DPP6: variants seen among roughly 807,000 people sequenced by gnomAD.
The protein encoded by DPP6 is A-type potassium channel modulatory protein DPP6.
A neutral mutation model predicts 122.6 loss-of-function variants in DPP6; 69 were observed. The ratio of observed to expected loss-of-function variants is 0.56; its 90% confidence interval spans 0.46 to 0.69. The LOEUF (loss-of-function observed/expected upper bound fraction) is 0.69. DPP6 is among the 30% of genes least tolerant of loss of function. The probability of loss-of-function intolerance (pLI) is 0.00; values close to 1 mark genes in which losing one functional copy is unlikely to be tolerated. For missense variants in DPP6, 928 were observed against 1,116.9 expected (o/e 0.83, Z 2.41); for synonymous variants, 418 against 433.1 (o/e 0.97, Z 0.43).
chr7:154,645,505 CT>C (rs1257001732), intron 6 of DPP6, among the ~76,000 whole-genome samples: 1 of 152,136 alleles, frequency 6.6e-6, no homozygotes, highest in African/African-American at 2.4e-5. Context: ...GAAATCCAGA[CT>C]TCTAGTAACC....
At chr7:154,732,108 G>A (rs940030553) in intron 8 of DPP6, among the ~76,000 whole-genome samples, 5 of 151,298 alleles carry the variant, frequency 3.3e-5, no homozygotes, top group African/African-American at 9.7e-5. Context: ...GCGCAATCTC[G>A]GCTCACTGCA....
In DPP6 at chr7:154,369,738, A is replaced by G. The variant is rs547569101; in HGVS notation, c.244-76476A>G. On this transcript the variant is annotated intron_variant, in intron 1 of 25. Coordinates refer to ENST00000377770, the MANE Select transcript of DPP6 (RefSeq NM_130797.4). ...TTGCTAACGCTGCCCTTGGCCTGCT[A>G]TTTCCCAGCTGGCCTCTCTGTGCCC... is the stretch of plus-strand genomic sequence containing the variant. 2.6e-5 allele frequency among the ~76,000 whole-genome samples: 4 copies of G among 152,268 alleles called. No homozygotes were observed. In the South Asian group the frequency reaches 6.2e-4, roughly 24 times the overall value.
At chr7:154,424,673 A>G (rs1298782912) in intron 1 of DPP6, among the ~76,000 whole-genome samples, 1 of 152,192 alleles carries the variant, frequency 6.6e-6, no homozygotes, top group Non-Finnish European at 1.5e-5. Flanking sequence ...TAACGTAGCC[A>G]CAGGTTCTGG....
At chr7:154,416,838 C>T (rs1189683632) in intron 1 of DPP6, among the ~76,000 whole-genome samples, 5 of 45,464 alleles carry the variant, frequency 1.1e-4, no homozygotes, top group East Asian at 6.2e-4. Flanking sequence ...ACTCAGGAAA[C>T]GTTTCTAGAT....
upstream of DPP6, among the ~76,000 whole-genome samples, chr7:154,049,966 G>C (rs965829470): frequency 3.3e-5 from 5 of 152,116 alleles, no homozygotes; most frequent in African/African-American, 1.2e-4. Flanking sequence ...TTTCAATTTG[G>C]GTAAAGGGCG....
intron 16 of DPP6, among the ~76,000 whole-genome samples, chr7:154,846,205 A>G (rs1388426067): frequency 2.0e-5 from 3 of 149,914 alleles, no homozygotes; most frequent in Non-Finnish European, 4.4e-5. Context: ...ATATATAAAT[A>G]TATATAAATA....
chr7:153,871,836 A>G, the DPP6 span, among the ~76,000 whole-genome samples: 1 of 152,298 alleles, frequency 6.6e-6, no homozygotes, highest in South Asian at 2.1e-4. Context: ...GAGAGTCATT[A>G]TTCCATGGTT....
rs61326590 is a variant in DPP6 at position 154,498,011 on chromosome 7, A to T, written c.457+22974A>T. Among the ~76,000 whole-genome samples, 1,229 of 152,232 alleles carry T rather than the reference A, an allele frequency of 8.1e-3. 16 individuals are homozygous for T. Among genetic ancestry groups the T allele is most frequent in the African/African-American group, 0.028 (1,164 of 41,538 alleles). ...TATCATGGCAATCAGAAGAAGGAGA[A>T]GATATTCTGTCATCAGGGAAGGGGT... is the stretch of plus-strand genomic sequence containing the variant. On this transcript the variant is annotated intron_variant, in intron 3 of 25. Coordinates refer to ENST00000377770, the MANE Select transcript of DPP6 (RefSeq NM_130797.4).
chr7:154,823,982 T>A (rs1285041908), intron 16 of DPP6, among the ~76,000 whole-genome samples: 3 of 152,202 alleles, frequency 2.0e-5, no homozygotes, highest in African/African-American at 7.2e-5. Context: ...GAAGTCAAAA[T>A]TTCTATTTGC....
At chr7:153,857,068 T>G in the DPP6 span, among the ~76,000 whole-genome samples, 1 of 152,054 alleles carries the variant, frequency 6.6e-6, no homozygotes, top group African/African-American at 2.4e-5. Context: ...ATGAAAATGA[T>G]CATCAATATG....
At chr7:154,194,520 C>G (rs145535148) in intron 1 of DPP6, among the ~76,000 whole-genome samples, 1 of 152,190 alleles carries the variant, frequency 6.6e-6, no homozygotes. Flanking sequence ...GTTTCCTCCA[C>G]GCCCTCTGTG....
At chr7:154,340,092 A>T (rs1809794157) in intron 1 of DPP6, among the ~76,000 whole-genome samples, 1 of 152,110 alleles carries the variant, frequency 6.6e-6, no homozygotes, top group Admixed American at 6.5e-5. Flanking sequence ...AAAAAAATTA[A>T]TGTGGTTGAC....
At chr7:154,062,830 G>A (rs1390337292) in intron 1 of DPP6, among the ~76,000 whole-genome samples, 3 of 129,966 alleles carry the variant, frequency 2.3e-5, no homozygotes, top group Non-Finnish European at 5.0e-5. Flanking sequence ...CACCCCCCGC[G>A]AGGCGGGGAC....
At chr7:153,949,472 C>G (rs748374094) in intron 1 of DPP6, among the ~76,000 whole-genome samples, 45 of 152,260 alleles carry the variant, frequency 3.0e-4, no homozygotes, top group Admixed American at 2.2e-3. Flanking sequence ...CCTGATGATT[C>G]CGAGATCCCT....
intron 10 of DPP6, among the ~76,000 whole-genome samples, chr7:154,779,870 C>T (rs905847991): frequency 6.6e-6 from 1 of 152,210 alleles, no homozygotes; most frequent in Admixed American, 6.5e-5. Flanking sequence ...CCTAACCTCT[C>T]TTTTGTCTGG....
chr7:154,691,342 C>G (rs988875715), intron 7 of DPP6, among the ~76,000 whole-genome samples: 3 of 152,138 alleles, frequency 2.0e-5, no homozygotes, highest in African/African-American at 7.2e-5. Flanking sequence ...GGAGAGTGAG[C>G]CTCAGGCCCA....
intron 1 of DPP6, among the ~76,000 whole-genome samples, chr7:154,059,840 AG>A (rs1269651908): frequency 3.5e-4 from 53 of 151,406 alleles, no homozygotes; most frequent in African/African-American, 1.2e-3. Flanking sequence ...ACAACTAGAC[AG>A]GGTTGCTAAA....
intron 8 of DPP6, among the ~76,000 whole-genome samples, chr7:154,748,305 C>T (rs979874598): frequency 3.3e-5 from 5 of 152,190 alleles, no homozygotes; most frequent in Admixed American, 6.5e-5. Flanking sequence ...TATAGAATGT[C>T]TTCATTTGGA....
chr7:154,260,683 T>C (rs1802953619), intron 1 of DPP6, among the ~76,000 whole-genome samples: 1 of 147,782 alleles, frequency 6.8e-6, no homozygotes, highest in Non-Finnish European at 1.5e-5. Context: ...ATATAATACA[T>C]ATATATGTAT....
Sources: allele counts gnomAD v4.1 joint callset (sites outside exome capture counted in the v4.1 genomes callset), GRCh38; gene constraint gnomAD v4.1.1; transcripts MANE v1.5; gene names NCBI Gene and HGNC (gene_info 2026-07-23, HGNC 2026-07-21).